Variants in TLE1 observed in about 807,000 individuals in gnomAD.
The protein encoded by TLE1 is transducin-like enhancer protein 1.
In TLE1, 21 loss-of-function variants were observed where a neutral mutation model predicts 89.8. The ratio of observed to expected loss-of-function variants is 0.23; its 90% CI spans 0.17 to 0.34. TLE1 has a LOEUF of 0.34. Among genes scored for constraint, TLE1 ranks in the 10% least tolerant of loss-of-function variants. TLE1 has a pLI of 1.00. For synonymous variants in TLE1, 447 were observed against 407.6 expected (o/e 1.10, Z -1.16); for missense variants, 795 against 1,031.2 (o/e 0.77, Z 3.14).
At chr9:81,633,474 T>C in intron 7 of TLE1, 110 bp from the exon 8 acceptor site, 1 of 1,527,540 alleles carries the variant, frequency 6.5e-7, no homozygotes. Context: ...CCAAACAGTT[T>C]TAAAAATGGC....
At chr9:81,589,997 T>C (rs1829245829) in intron 16 of TLE1, among the ~76,000 whole-genome samples, 1 of 152,148 alleles carries the variant, frequency 6.6e-6, no homozygotes, top group African/African-American at 2.4e-5. Context: ...CCGTCCCTTC[T>C]CTGTGCAGCA....
intron 4 of TLE1, among the ~76,000 whole-genome samples, chr9:81,669,936 G>A (rs1054466741): frequency 6.6e-6 from 1 of 152,096 alleles, no homozygotes; most frequent in Non-Finnish European, 1.5e-5. Flanking sequence ...AAACAACATC[G>A]TGTCAAGCTA....
intron 4 of TLE1, among the ~76,000 whole-genome samples, chr9:81,685,421 T>C (rs1352401256): frequency 6.6e-6 from 1 of 152,226 alleles, no homozygotes; most frequent in African/African-American, 2.4e-5. Flanking sequence ...CAAGTCTTAA[T>C]TCCTATCTGT....
At chr9:81,674,907 C>T (rs1315629180) in intron 4 of TLE1, among the ~76,000 whole-genome samples, 2 of 152,076 alleles carry the variant, frequency 1.3e-5, no homozygotes, top group Non-Finnish European at 1.5e-5. Context: ...GTAATCCCAG[C>T]CCTTTGGGAG....
chr9:81,586,432 G>A (rs1358880699), intron 17 of TLE1, among the ~76,000 whole-genome samples: 34 of 152,184 alleles, frequency 2.2e-4, no homozygotes, highest in Admixed American at 2.2e-3. Flanking sequence ...ACTGAATACT[G>A]TAGGCAACTG....
intron 4 of TLE1, among the ~76,000 whole-genome samples, chr9:81,677,773 C>A (rs1463995573): frequency 2.0e-5 from 3 of 152,104 alleles, no homozygotes; most frequent in Admixed American, 6.6e-5. Context: ...AACACACCTA[C>A]ATTCTCAAAG....
chr9:81,618,439 C>T (rs1824829171), intron 9 of TLE1, among the ~76,000 whole-genome samples: 1 of 152,216 alleles, frequency 6.6e-6, no homozygotes, highest in East Asian at 1.9e-4. Flanking sequence ...ACGTGAGAGA[C>T]CCAATTTATT....
At chr9:81,602,973 A>C (rs1831140339) in intron 14 of TLE1, among the ~76,000 whole-genome samples, 2 of 152,134 alleles carry the variant, frequency 1.3e-5, no homozygotes, top group South Asian at 2.1e-4. Context: ...AGGGAAGGTG[A>C]CCAGGGTGGT....
intron 8 of TLE1, among the ~76,000 whole-genome samples, chr9:81,632,897 T>C (rs1826858586): frequency 1.3e-5 from 2 of 152,344 alleles, no homozygotes; most frequent in East Asian, 1.9e-4. Flanking sequence ...CTGGTTTAAG[T>C]AGAAATGGTA....
intron 6 of TLE1, among the ~76,000 whole-genome samples, chr9:81,640,967 T>C (rs774943409): frequency 1.3e-5 from 2 of 152,166 alleles, no homozygotes; most frequent in African/African-American, 2.4e-5. Flanking sequence ...AAAAACTATG[T>C]CATAAAAATC....
intron 9 of TLE1, among the ~76,000 whole-genome samples, chr9:81,618,993 C>A (rs891790428): frequency 6.6e-6 from 1 of 152,082 alleles, no homozygotes; most frequent in Non-Finnish European, 1.5e-5. Context: ...AAACCTAGTA[C>A]ATGCAGGTTA....
At chr9:81,664,470 A>C (rs1178417329) in intron 4 of TLE1, among the ~76,000 whole-genome samples, 1 of 152,230 alleles carries the variant, frequency 6.6e-6, no homozygotes, top group African/African-American at 2.4e-5. Context: ...TGAAAAGGTA[A>C]ATTCATCTTT....
At chr9:81,641,740 A>C (rs548374049) in intron 6 of TLE1, among the ~76,000 whole-genome samples, 9 of 152,130 alleles carry the variant, frequency 5.9e-5, no homozygotes, top group Non-Finnish European at 1.0e-4. Context: ...ATATCACCTC[A>C]GGCTGGGCGC....
At chr9:81,647,851 C>T (rs1829048350) in intron 6 of TLE1, among the ~76,000 whole-genome samples, 1 of 152,066 alleles carries the variant, frequency 6.6e-6, no homozygotes, top group African/African-American at 2.4e-5. Flanking sequence ...ATGTGGATTA[C>T]CAAAAACACC....
chr9:81,651,342 G>C (rs1220192328), intron 6 of TLE1, among the ~76,000 whole-genome samples: 1 of 152,208 alleles, frequency 6.6e-6, no homozygotes, highest in East Asian at 1.9e-4. Flanking sequence ...TCCTGCAGTG[G>C]GGGGCGGAGG....
At chr9:81,589,790 G>C (rs567324581) in intron 16 of TLE1, among the ~76,000 whole-genome samples, 1 of 152,176 alleles carries the variant, frequency 6.6e-6, no homozygotes, top group African/African-American at 2.4e-5. Flanking sequence ...ACTTTTGCTA[G>C]GATAAAAGGT....
intron 14 of TLE1, among the ~76,000 whole-genome samples, chr9:81,607,060 T>A (rs374675246): frequency 5.0e-5 from 7 of 139,660 alleles, no homozygotes; most frequent in Non-Finnish European, 7.8e-5. Context: ...CCAGTGTCTC[T>A]AAAAAAAAAA....
At chr9:81,633,322 T>TGTGC (rs771638847) in intron 8 of TLE1, 26 bp downstream of exon 8, 5 of 1,580,756 alleles carry the variant, frequency 3.2e-6, no homozygotes, top group Non-Finnish European at 4.3e-6. Context: ...TGTGTGTGTG[T>TGTGC]GTGCAGCAGG....
intron 16 of TLE1, among the ~76,000 whole-genome samples, chr9:81,588,061 T>C (rs1431401112): frequency 6.6e-6 from 1 of 152,004 alleles, no homozygotes; most frequent in African/African-American, 2.4e-5. Context: ...GCTAAAGAAA[T>C]GGAATGCCAC....
Sources: allele counts gnomAD v4.1 joint callset (sites outside exome capture counted in the v4.1 genomes callset), GRCh38; gene constraint gnomAD v4.1.1; transcripts MANE v1.5; gene names NCBI Gene and HGNC (gene_info 2026-07-23, HGNC 2026-07-21).